SAMHD1: variants seen among roughly 807,000 people sequenced by gnomAD.
SAMHD1 encodes the protein deoxynucleoside triphosphate triphosphohydrolase SAMHD1.
In SAMHD1, 54 loss-of-function variants were observed where a neutral mutation model predicts 79.6. That is an observed-to-expected ratio of 0.68 (90% CI 0.55 to 0.85). The LOEUF is 0.85. SAMHD1 is among the 40% of genes least tolerant of loss of function. The pLI, the probability that SAMHD1 is intolerant of heterozygous loss-of-function variation, is 0.00. For synonymous variants in SAMHD1, 260 were observed against 264.1 expected (o/e 0.98, Z 0.15); for missense variants, 663 against 782.7 (o/e 0.85, Z 1.82).
intron 9 of SAMHD1, among the ~76,000 whole-genome samples, chr20:36,914,084 C>CTATAGTATAGTATATACTA (rs1568768186): frequency 1.3e-5 from 2 of 151,180 alleles, no homozygotes; most frequent in African/African-American, 4.9e-5. Flanking sequence ...TAGTACTATA[C>CTATAGTATAGTATATACTA]TACTTTTTGA....
At chr20:36,923,054 G>T (rs556264530) in intron 6 of SAMHD1, among the ~76,000 whole-genome samples, 1 of 152,266 alleles carries the variant, frequency 6.6e-6, no homozygotes, top group South Asian at 2.1e-4. Flanking sequence ...AGGCTGGAGT[G>T]CAGTGGCGTG....
In SAMHD1 at chr20:36,951,357, T is replaced by C. The variant is rs1046660446; in HGVS notation, c.208+79A>G. 85 of 1,592,984 alleles carry C rather than the reference T, an allele frequency of 5.3e-5. No homozygotes were observed. In the Middle Eastern group the frequency reaches 1.5e-3, roughly 29 times the overall value. The stretch of plus-strand genomic sequence containing the variant: ...TCGCTCCTCGGCCTCGGTCCTCTCG[T>C]GGGGCCCCCTCCCTCAGGGCGCCTG... On this transcript the variant is annotated intron_variant, in intron 1 of 15. Transcript: ENST00000646673.
Position 36,893,064 on chromosome 20 carries a change from A to T in SAMHD1, c.1749T>A (p.Asp583Glu). 1 of 1,613,192 alleles carries T rather than the reference A, an allele frequency of 6.2e-7. No individual in the cohort carries two copies. The highest frequency in any genetic ancestry group is 8.5e-7 in the Non-Finnish European group (1 of 1,180,010). Residue 583 changes from aspartate (D) to glutamate (E), a missense_variant and splice_region_variant, in exon 16 of 16, where the codon GAT (aspartate) becomes GAA (glutamate). By Grantham distance (45) the Asp-to-Glu change is conservative. Transcript: ENST00000646673. ...CADRNFTKPQ[D>E]GDVIAPLITP... is the part of the protein sequence containing the mutation. ...TTATGAGTGGGGCTATAACATCGCC[A>T]TCCTATTAGGAAGAGAGAGAAAAAC... is the stretch of plus-strand genomic sequence containing the variant.
intron 14 of SAMHD1, 101 bp downstream of exon 14, chr20:36,898,339 T>TAAGATTA (rs1277071543): frequency 2.2e-5 from 20 of 915,598 alleles, no homozygotes; most frequent in Non-Finnish European, 3.2e-5. Flanking sequence ...ACTTTAATTG[T>TAAGATTA]AAAGATATGC....
chr20:36,949,932 A>G (rs1429766295), intron 1 of SAMHD1, among the ~76,000 whole-genome samples: 1 of 152,052 alleles, frequency 6.6e-6, no homozygotes, highest in East Asian at 1.9e-4. Flanking sequence ...GGTTCTCAAA[A>G]GAAACTGACC....
At position 36,890,722 on chromosome 20, in the gene SAMHD1, C is replaced by T. The variant is rs1339684184; in HGVS notation, c.*2210G>A. 2.0e-5 allele frequency: 3 copies of T among 152,276 alleles called. No homozygotes were observed. Among genetic ancestry groups the T allele is most frequent in the Non-Finnish European group, 4.4e-5 (3 of 68,052 alleles). The allele number at this position is 152,276 out of a possible 1,614,324, so 9.4% of individuals were successfully genotyped here. ...TCAACTCTTTACCTCAAGTGATCCG[C>T]CCACCTTGGCCTCCCAAAGTGCTGG... On this transcript the variant is annotated 3_prime_UTR_variant, in exon 16 of 16. Coordinates refer to ENST00000646673, the MANE Select transcript of SAMHD1 (RefSeq NM_015474.4).
chr20:36,935,488 T>G, intron 3 of SAMHD1: 1 of 397,566 alleles, frequency 2.5e-6, no homozygotes, highest in South Asian at 2.3e-5. Context: ...TGTCTTGTAT[T>G]CAAGTTAAAC....
intron 13 of SAMHD1, 54 bp downstream of exon 13, chr20:36,904,103 G>C: frequency 1.7e-6 from 2 of 1,178,676 alleles, no homozygotes. Context: ...ATAATGGTGG[G>C]TGCTTTATCT....
At chr20:36,917,767 T>C (rs2063484792) in intron 7 of SAMHD1, among the ~76,000 whole-genome samples, 1 of 152,164 alleles carries the variant, frequency 6.6e-6, no homozygotes, top group Non-Finnish European at 1.5e-5. Flanking sequence ...ATAATATGCA[T>C]TGTTGAATGT....
At chr20:36,929,208 T>G (rs1373232528) in intron 5 of SAMHD1, among the ~76,000 whole-genome samples, 1 of 151,914 alleles carries the variant, frequency 6.6e-6, no homozygotes, top group Non-Finnish European at 1.5e-5. Context: ...TCCCAATGAT[T>G]CTCCCTCAAA....
intron 1 of SAMHD1, 124 bp downstream of exon 1, chr20:36,951,312 G>A: frequency 7.2e-7 from 1 of 1,379,368 alleles, no homozygotes; most frequent in Non-Finnish European, 9.9e-7. Flanking sequence ...CGCCCTCCCG[G>A]GTGCCTCCCG....
intron 2 of SAMHD1, among the ~76,000 whole-genome samples, chr20:36,944,339 AG>A (rs1341404332): frequency 1.3e-5 from 2 of 151,822 alleles, no homozygotes; most frequent in Admixed American, 1.3e-4. Flanking sequence ...AAAAAAAGAA[AG>A]GGCTAAGATG....
chr20:36,919,756 A>G (rs935749384), intron 6 of SAMHD1, among the ~76,000 whole-genome samples: 1 of 152,194 alleles, frequency 6.6e-6, no homozygotes, highest in African/African-American at 2.4e-5. Flanking sequence ...AATGCATTTA[A>G]TGATATAATC....
chr20:36,914,540 G>A (rs1409697472), intron 9 of SAMHD1, among the ~76,000 whole-genome samples: 1 of 151,636 alleles, frequency 6.6e-6, no homozygotes, highest in African/African-American at 2.4e-5. Flanking sequence ...GAGTAGAGAC[G>A]GAGTTTCACC....
intron 2 of SAMHD1, among the ~76,000 whole-genome samples, chr20:36,945,099 TATC>T (rs1170892986): frequency 2.0e-5 from 3 of 152,142 alleles, no homozygotes; most frequent in African/African-American, 7.2e-5. Flanking sequence ...TGCAGGAGCT[TATC>T]ATAGATCACT....
At position 36,892,377 on chromosome 20, in the gene SAMHD1, G is replaced by A. The variant is rs1990097792; in HGVS notation, c.*555C>T. 5.3e-6 allele frequency: 1 copy of A among 188,542 alleles called. No homozygotes were observed. 11.7% of individuals were successfully genotyped at this position (188,542 alleles called of 1,614,324 possible). A position where few individuals can be genotyped will look rare whatever the true frequency, so the allele number is the denominator to read the frequency against. ...TGAGGTGACAGGGAACTCTTCACGG[G>A]GGCAGGATTTGATGTTTTGTTTTTA... On this transcript the variant is annotated 3_prime_UTR_variant, in exon 16 of 16. Transcript: ENST00000646673.
At chr20:36,942,213 C>T (rs1021269092) in intron 2 of SAMHD1, among the ~76,000 whole-genome samples, 2 of 152,094 alleles carry the variant, frequency 1.3e-5, no homozygotes, top group African/African-American at 2.4e-5. Flanking sequence ...GTTGGGAGCT[C>T]GAGACAAGCC....
intron 9 of SAMHD1, among the ~76,000 whole-genome samples, chr20:36,914,367 T>C (rs1300101933): frequency 3.3e-5 from 5 of 152,012 alleles, no homozygotes; most frequent in East Asian, 1.9e-4. Flanking sequence ...CTTTTTTTTT[T>C]TGAGGTGGAG....
chr20:36,925,897 A>G (rs2063533174), intron 6 of SAMHD1, among the ~76,000 whole-genome samples: 1 of 152,190 alleles, frequency 6.6e-6, no homozygotes, highest in Non-Finnish European at 1.5e-5. Context: ...ACCGCATTGG[A>G]AAACTCTGGT....
Sources: gnomAD v4.1 joint callset for allele counts (sites outside exome capture counted in the v4.1 genomes callset) on GRCh38, gnomAD v4.1.1 for gene constraint, MANE v1.5 for transcripts, NCBI Gene and HGNC (gene_info 2026-07-23, HGNC 2026-07-21) for gene names.